TM9SF4: variants seen among roughly 807,000 people sequenced by gnomAD.
TM9SF4 encodes the protein dinucleotide oxidase disulfide thiol exchanger 3 superfamily member 4.
TM9SF4 carries 26 observed loss-of-function variants against 90.4 expected under a neutral mutation model. The observed-to-expected ratio is 0.29, with a 90% CI of 0.21 to 0.40. The LOEUF (loss-of-function observed/expected upper bound fraction) is 0.40, where lower values mean the gene tolerates loss of function less well. Ranked by LOEUF, TM9SF4 falls within the 10% of genes least tolerant of loss-of-function variation. The pLI is 1.00. For synonymous variants in TM9SF4, 293 were observed against 315.4 expected, an observed-to-expected ratio of 0.93 and a Z score of 0.75; for missense variants, 549 against 834.8, an observed-to-expected ratio of 0.66 and a Z score of 4.22.
chr20:32,121,069 A>G (rs995765609), intron 1 of TM9SF4, among the ~76,000 whole-genome samples: 26 of 152,136 alleles, frequency 1.7e-4, no homozygotes, highest in Non-Finnish European at 1.5e-5. Flanking sequence ...AACACACAGG[A>G]TAGTTGTCCG....
chr20:32,121,150 GA>G (rs1569047282), intron 1 of TM9SF4, among the ~76,000 whole-genome samples: 1 of 150,048 alleles, frequency 6.7e-6, no homozygotes. Context: ...TTAGACAAGT[GA>G]AAAAAGGCTA....
Position 32,132,996 on chromosome 20 carries a change from G to C in TM9SF4, c.16-17G>C, listed in dbSNP as rs1314740870. The C allele has an allele frequency of 2.5e-6, 4 of 1,608,712 alleles. No individual in the cohort carries two copies. The highest frequency in any genetic ancestry group is 3.4e-6 in the Non-Finnish European group (4 of 1,175,458). On this transcript the variant is annotated splice_polypyrimidine_tract_variant and intron_variant, in intron 1 of 17. Transcript: ENST00000398022. ...ACTTCTTCTCCCCAATCCAACCCTGGCCTCTCTTCTGAGCAGGATTGGTTG... is the reference window on the plus strand; with the variant it reads ...ACTTCTTCTCCCCAATCCAACCCTGCCCTCTCTTCTGAGCAGGATTGGTTG...
intron 17 of TM9SF4, among the ~76,000 whole-genome samples, chr20:32,164,541 C>G (rs550257582): frequency 3.3e-5 from 5 of 152,102 alleles, no homozygotes; most frequent in African/African-American, 4.8e-5. Flanking sequence ...GGGAGAGATG[C>G]GGGGCTGAGC....
At chr20:32,110,477 C>T (rs1288017745) in intron 1 of TM9SF4, among the ~76,000 whole-genome samples, 2 of 152,074 alleles carry the variant, frequency 1.3e-5, no homozygotes, top group African/African-American at 4.8e-5. Flanking sequence ...GCTAAAAATG[C>T]AGTTTCCTGA....
chr20:32,120,581 C>CT, intron 1 of TM9SF4, among the ~76,000 whole-genome samples: 1 of 152,206 alleles, frequency 6.6e-6, no homozygotes, highest in Non-Finnish European at 1.5e-5. Flanking sequence ...ACTAAAAGCA[C>CT]TTTTTGCTTA....
intron 14 of TM9SF4, 147 bp downstream of exon 14, chr20:32,158,116 A>G: frequency 1.7e-6 from 2 of 1,159,536 alleles, no homozygotes; most frequent in African/African-American, 3.1e-5. Flanking sequence ...TCCAAGATCA[A>G]GGTGACCAGG....
At chr20:32,128,325 T>G (rs1398682359) in intron 1 of TM9SF4, among the ~76,000 whole-genome samples, 1 of 152,196 alleles carries the variant, frequency 6.6e-6, no homozygotes, top group Non-Finnish European at 1.5e-5. Context: ...AAGCAGTGGT[T>G]TTTGACCCTG....
At chr20:32,143,743 C>A (rs62205023) in intron 6 of TM9SF4, among the ~76,000 whole-genome samples, 2 of 150,608 alleles carry the variant, frequency 1.3e-5, no homozygotes, top group Non-Finnish European at 3.0e-5. Flanking sequence ...TTTTTTTTTC[C>A]ACTGTGGAAC....
intron 15 of TM9SF4, chr20:32,159,714 C>G (rs2046985179): frequency 2.2e-6 from 1 of 464,412 alleles, no homozygotes; most frequent in Non-Finnish European, 3.9e-6. Flanking sequence ...GGTGGCTGCT[C>G]TATAATTTTG....
intron 17 of TM9SF4, among the ~76,000 whole-genome samples, chr20:32,162,232 G>A (rs747500456): frequency 1.3e-5 from 2 of 152,082 alleles, no homozygotes; most frequent in Non-Finnish European, 2.9e-5. Context: ...GCAGTCAGGC[G>A]TATTTGCAAA....
At chr20:32,115,740 T>C (rs1178683104) in intron 1 of TM9SF4, among the ~76,000 whole-genome samples, 1 of 152,014 alleles carries the variant, frequency 6.6e-6, no homozygotes, top group South Asian at 2.1e-4. Context: ...CCGTTTGCGC[T>C]TTTAAGCCTC....
At chr20:32,161,497 G>A in intron 17 of TM9SF4, 132 bp downstream of exon 17, 1 of 707,846 alleles carries the variant, frequency 1.4e-6, no homozygotes, top group Non-Finnish European at 2.4e-6. Flanking sequence ...AAGCCACCTA[G>A]AACTGTTCCT....
intron 1 of TM9SF4, among the ~76,000 whole-genome samples, chr20:32,117,462 A>C (rs952110427): frequency 1.3e-5 from 2 of 152,184 alleles, no homozygotes; most frequent in Non-Finnish European, 2.9e-5. Context: ...CAAGTGAATG[A>C]AATAATTTTT....
intron 4 of TM9SF4, 43 bp downstream of exon 4, chr20:32,141,708 G>A (rs1463225679): frequency 6.2e-7 from 1 of 1,613,480 alleles, no homozygotes; most frequent in East Asian, 2.2e-5. Context: ...CTCACACAGG[G>A]GAGGACACTG....
Position 32,117,860 on chromosome 20 carries a change from G to T in TM9SF4, c.15+8105G>T, listed in dbSNP as rs142487766. Among the ~76,000 whole-genome samples, 90 of 152,222 alleles carry T rather than the reference G, an allele frequency of 5.9e-4. 4 individuals are homozygous for T. In the East Asian group the frequency reaches 0.017, roughly 29 times the overall value. ...GCAAAAGCAAAATGACGTTGAATGGGCTGGTTCACATCTCTTAGGACTCTT... is the reference window on the plus strand; with the variant it reads ...GCAAAAGCAAAATGACGTTGAATGGTCTGGTTCACATCTCTTAGGACTCTT... On this transcript the variant is annotated intron_variant, in intron 1 of 17. Transcript: ENST00000398022.
chr20:32,141,947 C>A, intron 5 of TM9SF4, 52 bp downstream of exon 5: 1 of 1,608,498 alleles, frequency 6.2e-7, no homozygotes, highest in Non-Finnish European at 8.5e-7. Flanking sequence ...CTCACGAGTC[C>A]TGAGCACTTG....
At chr20:32,121,679 G>A (rs905093546) in intron 1 of TM9SF4, among the ~76,000 whole-genome samples, 6 of 152,154 alleles carry the variant, frequency 3.9e-5, no homozygotes, top group Non-Finnish European at 7.4e-5. Flanking sequence ...CCACAAAGCC[G>A]CCACTGTCAT....
intron 1 of TM9SF4, among the ~76,000 whole-genome samples, chr20:32,130,646 G>A (rs1266727538): frequency 2.0e-5 from 3 of 152,148 alleles, no homozygotes; most frequent in African/African-American, 4.8e-5. Context: ...ACTACTCAGA[G>A]AGAAAGAAGA....
chr20:32,163,728 C>T (rs1469016053), intron 17 of TM9SF4, among the ~76,000 whole-genome samples: 1 of 150,646 alleles, frequency 6.6e-6, no homozygotes, highest in African/African-American at 2.4e-5. Context: ...TCTCCTGCCT[C>T]TGCCTCCTGA....
Sources: allele counts gnomAD v4.1 joint callset (sites outside exome capture counted in the v4.1 genomes callset), GRCh38; gene constraint gnomAD v4.1.1; transcripts MANE v1.5; gene names NCBI Gene and HGNC (gene_info 2026-07-23, HGNC 2026-07-21).